The following COPG2 variants were observed in gnomAD, a reference collection of about 807,000 sequenced individuals.
COPG2 encodes coatomer subunit gamma-2.
In COPG2, 37 loss-of-function variants were observed where a neutral mutation model predicts 46.3. The ratio of observed to expected loss-of-function variants is 0.80; its 90% confidence interval spans 0.61 to 1.05. The LOEUF is 1.05. Ranked by LOEUF, COPG2 falls within the 50% of genes least tolerant of loss-of-function variation. The pLI, the probability that COPG2 is intolerant of heterozygous loss-of-function variation, is 0.00. For synonymous variants in COPG2, 159 were observed against 129.7 expected (o/e 1.23, Z -1.53); for missense variants, 427 against 387.8 (o/e 1.10, Z -0.85).
chr7:130,527,697 A>G, intron 20 of COPG2, among the ~76,000 whole-genome samples: 1 of 152,110 alleles, frequency 6.6e-6, no homozygotes, highest in East Asian at 1.9e-4. Flanking sequence ...GGGAGGATGG[A>G]GAGCCGGGCA....
intron 20 of COPG2, among the ~76,000 whole-genome samples, chr7:130,532,451 GAGGAGGC>G (rs1263153485): frequency 6.6e-6 from 1 of 152,118 alleles, no homozygotes; most frequent in East Asian, 1.9e-4. Context: ...GCTAAGGAGG[GAGGAGGC>G]AGGAGGAGGG....
intron 9 of COPG2, among the ~76,000 whole-genome samples, chr7:130,600,210 AT>A (rs1330786474): frequency 1.3e-5 from 2 of 151,836 alleles, no homozygotes; most frequent in African/African-American, 4.9e-5. Context: ...TTCCTGTTAT[AT>A]TTTTTTAGAC....
rs1174990654 is a variant in COPG2, at chr7:130,666,870, C to G, written c.150G>C (p.Lys50Asn). Residue 50 changes from lysine to asparagine, a missense_variant, in exon 3 of 24, where the codon AAG becomes AAC. Transcript: ENST00000425248. ...NPRRCLHILTKILYLLNQGEH... is the reference protein window; with the variant it reads ...NPRRCLHILTNILYLLNQGEH... The stretch of plus-strand genomic sequence containing the variant: ...ATACCTGGTTCAGTAAGTAAAGAAT[C>G]TTTGTAAGAATATGCAAACATCTTC... The G allele has an allele frequency of 6.5e-7, 1 of 1,536,404 alleles. No individual in the cohort carries two copies. Among genetic ancestry groups the G allele is most frequent in the African/African-American group, 1.4e-5 (1 of 72,926 alleles).
At chr7:130,649,259 G>A (rs1304345930) in intron 5 of COPG2, among the ~76,000 whole-genome samples, 2 of 152,172 alleles carry the variant, frequency 1.3e-5, no homozygotes, top group East Asian at 1.9e-4. Flanking sequence ...TTTCTTTAGA[G>A]CACGTTTTCC....
At chr7:130,511,518 A>G (rs1554441007) in intron 20 of COPG2, 1 of 519,964 alleles carries the variant, frequency 1.9e-6, no homozygotes, top group Non-Finnish European at 3.8e-6. Context: ...CTCTAGGACA[A>G]ATTCAGAAAG....
chr7:130,639,231 A>G (rs1554456865), intron 5 of COPG2, among the ~76,000 whole-genome samples: 1 of 152,112 alleles, frequency 6.6e-6, no homozygotes, highest in East Asian at 1.9e-4. Context: ...TACTTTACAT[A>G]TTATAGTCTG....
At chr7:130,577,915 T>TG (rs1554446523) in intron 9 of COPG2, among the ~76,000 whole-genome samples, 2 of 151,452 alleles carry the variant, frequency 1.3e-5, no homozygotes, top group African/African-American at 4.9e-5. Flanking sequence ...GCAGCGAGGC[T>TG]GGGGGAGGGG....
intron 21 of COPG2, chr7:130,508,171 T>C: frequency 3.9e-6 from 1 of 254,428 alleles, no homozygotes. Flanking sequence ...GAAGGCTTTT[T>C]AATCCATGAT....
chr7:130,570,095 C>A (rs2116414649), intron 9 of COPG2, among the ~76,000 whole-genome samples: 1 of 152,242 alleles, frequency 6.6e-6, no homozygotes, highest in East Asian at 1.9e-4. Flanking sequence ...CCACAGTTGG[C>A]ATTATACTGA....
chr7:130,632,580 T>C (rs549704427), intron 5 of COPG2, among the ~76,000 whole-genome samples: 2 of 152,236 alleles, frequency 1.3e-5, no homozygotes, highest in African/African-American at 4.8e-5. Context: ...ATGTCACAAA[T>C]GTTAGGCCCT....
In COPG2 at chr7:130,509,721, C is replaced by T. The variant is rs782655090; in HGVS notation, c.2150-1062G>A. 22 of 519,260 alleles carry T rather than the reference C, an allele frequency of 4.2e-5. 1 individual carries two copies. The highest frequency in any genetic ancestry group is 5.8e-5 in the Non-Finnish European group (15 of 259,740). The allele number at this position is 519,260 out of a possible 1,614,324, so 32.2% of individuals were successfully genotyped here. A position where few individuals can be genotyped will look rare whatever the true frequency, so the allele number is the denominator to read the frequency against. ...GAGACATGATCTCTGTCTCTAGGAG[C>T]TGTCTAGGAGTTAAATAAGTGTGTG... On this transcript the variant is annotated intron_variant, in intron 20 of 23. Transcript: ENST00000425248.
chr7:130,643,650 AC>A (rs1186362066), intron 5 of COPG2, among the ~76,000 whole-genome samples: 1 of 152,140 alleles, frequency 6.6e-6, no homozygotes, highest in East Asian at 1.9e-4. Context: ...GGAAAAATAA[AC>A]ACAGACTTTT....
At chr7:130,509,029 A>AAAAAAAAAAAC (rs573282010) in intron 20 of COPG2, 33 of 397,652 alleles carry the variant, frequency 8.3e-5, no homozygotes, top group Admixed American at 7.4e-4. Flanking sequence ...GGACCTGACC[A>AAAAAAAAAAAC]AAAAAAAAAA....
intron 9 of COPG2, among the ~76,000 whole-genome samples, chr7:130,570,206 C>A (rs1446173795): frequency 6.6e-6 from 1 of 152,046 alleles, no homozygotes; most frequent in Non-Finnish European, 1.5e-5. Context: ...CTAGCCAGAG[C>A]AATCAAACAA....
intron 9 of COPG2, among the ~76,000 whole-genome samples, chr7:130,589,881 T>C (rs1232323845): frequency 6.6e-6 from 1 of 152,216 alleles, no homozygotes; most frequent in African/African-American, 2.4e-5. Flanking sequence ...TCCTGATTTG[T>C]AAGAGTTCTT....
intron 20 of COPG2, among the ~76,000 whole-genome samples, chr7:130,546,079 T>G (rs975058179): frequency 6.6e-6 from 1 of 151,926 alleles, no homozygotes; most frequent in Non-Finnish European, 1.5e-5. Context: ...GGGTTCAGCA[T>G]TTCACTTCCC....
chr7:130,545,268 G>T (rs1793421700), intron 20 of COPG2, among the ~76,000 whole-genome samples: 1 of 151,858 alleles, frequency 6.6e-6, no homozygotes. Context: ...GTATGTAGCA[G>T]GGCCAGCATT....
intron 20 of COPG2, among the ~76,000 whole-genome samples, chr7:130,519,092 A>T (rs1255590170): frequency 6.6e-5 from 10 of 151,688 alleles, no homozygotes; most frequent in African/African-American, 2.4e-4. Flanking sequence ...TGTTAGATTT[A>T]GGTTGGGGTG....
At chr7:130,552,899 G>T (rs1386775735) in intron 14 of COPG2, among the ~76,000 whole-genome samples, 1 of 152,196 alleles carries the variant, frequency 6.6e-6, no homozygotes, top group Non-Finnish European at 1.5e-5. Flanking sequence ...ACACTCTAGT[G>T]GGAAAGATAG....
Sources: allele counts gnomAD v4.1 joint callset (sites outside exome capture counted in the v4.1 genomes callset), GRCh38; gene constraint gnomAD v4.1.1; transcripts MANE v1.5; gene names NCBI Gene and HGNC (gene_info 2026-07-23, HGNC 2026-07-21).